The following SV2B variants were observed in gnomAD, a reference collection of about 807,000 sequenced individuals.
SV2B encodes solute carrier family 22 member B2.
SV2B carries 41 observed loss-of-function variants against 73.9 expected under a neutral mutation model. That is an observed-to-expected ratio of 0.56 (90% CI 0.43 to 0.72). SV2B has a LOEUF of 0.72. Among genes scored for constraint, SV2B ranks in the 30% least tolerant of loss-of-function variants. The pLI is 0.00. For missense variants in SV2B, 764 were observed against 857.8 expected (o/e 0.89, Z 1.37); for synonymous variants, 314 against 314.2 (o/e 1.00, Z 0.01).
intron 1 of SV2B, among the ~76,000 whole-genome samples, chr15:91,204,250 G>A (rs1244460170): frequency 6.6e-6 from 1 of 152,012 alleles, no homozygotes; most frequent in East Asian, 1.9e-4. Context: ...TGGAGAGCTT[G>A]GGGTCTTAAT....
Position 91,132,756 on chromosome 15 carries a change from G to A in SV2B, c.-392+32393G>A, listed in dbSNP as rs547963092. ...TGGAGAGGCTGAGGTGGGAGGATCC[G>A]TTGAGCCCAGGAGTTTGAGGCTGCA... On this transcript the variant is annotated intron_variant, in intron 1 of 12. Coordinates refer to ENST00000394232, the MANE Select transcript of SV2B (RefSeq NM_001323032.3). The surrounding 1 kb of genome is among the most constrained non-coding windows in gnomAD (Gnocchi z 4.6). Among the ~76,000 whole-genome samples the A allele has an allele frequency of 6.6e-5, 10 of 152,124 alleles. No homozygotes were observed. The East Asian group carries it at 9.7e-4, about 15-fold the overall frequency.
At chr15:91,275,259 CTA>C (rs1341594293) in intron 9 of SV2B, among the ~76,000 whole-genome samples, 1 of 152,052 alleles carries the variant, frequency 6.6e-6, no homozygotes, top group Non-Finnish European at 1.5e-5. Context: ...TTTACGTTCA[CTA>C]TTGGTATATT....
chr15:91,099,604 G>C (rs1253671120), upstream of SV2B, among the ~76,000 whole-genome samples: 2 of 152,164 alleles, frequency 1.3e-5, no homozygotes, highest in African/African-American at 2.4e-5. Flanking sequence ...GTTAGTGGGT[G>C]GTGGTTTGGA....
Position 91,299,229 on chromosome 15 carries a change from A to T in SV2B, c.*6677A>T, listed in dbSNP as rs2049357013. ...TTGGACTCTATCACAAAGGAATTGC[A>T]TAAAAATACTTACAAACATAACTAT... On this transcript the variant is annotated 3_prime_UTR_variant, in exon 13 of 13. Transcript: ENST00000394232. The T allele has an allele frequency of 1.3e-5, 2 of 152,236 alleles. No individual in the cohort carries two copies. Among genetic ancestry groups the T allele is most frequent in the Admixed American group, 6.5e-5 (1 of 15,284 alleles). The allele number at this position is 152,236 out of a possible 1,614,324, so 9.4% of individuals were successfully genotyped here. A position where few individuals can be genotyped will look rare whatever the true frequency, so the allele number is the denominator to read the frequency against.
chr15:91,147,796 T>C (rs1358080717), intron 1 of SV2B, among the ~76,000 whole-genome samples: 3 of 152,128 alleles, frequency 2.0e-5, no homozygotes, highest in African/African-American at 7.2e-5. Flanking sequence ...AATTAGATAT[T>C]GGGGCTGGTC....
chr15:91,182,081 C>A (rs1375082386), intron 1 of SV2B, among the ~76,000 whole-genome samples: 2 of 151,994 alleles, frequency 1.3e-5, no homozygotes, highest in Non-Finnish European at 2.9e-5. Context: ...TATCACTGGC[C>A]TTCTGATAAA....
chr15:91,265,660 C>T lies in SV2B; in HGVS notation c.1009-922C>T, dbSNP rs776670659. ...AGCCCAGCTGCAGCCAAGAGTTCAGCTGCAGAGCCTGCTTTGTTAGTTCTG... is the reference window on the plus strand; with the variant it reads ...AGCCCAGCTGCAGCCAAGAGTTCAGTTGCAGAGCCTGCTTTGTTAGTTCTG... On this transcript the variant is annotated intron_variant, in intron 6 of 12. Coordinates refer to ENST00000394232, the MANE Select transcript of SV2B (RefSeq NM_001323032.3). This position sits in a 1 kb window ranked among gnomAD's most constrained non-coding sequence, Gnocchi z 4.2. Among the ~76,000 whole-genome samples the T allele has an allele frequency of 6.6e-6, 1 of 152,242 alleles. No homozygotes were observed. The highest frequency in any genetic ancestry group is 6.5e-5 in the Admixed American group (1 of 15,290).
intron 1 of SV2B, among the ~76,000 whole-genome samples, chr15:91,103,146 G>T (rs766983908): frequency 6.6e-6 from 1 of 152,220 alleles, no homozygotes; most frequent in African/African-American, 2.4e-5. Context: ...TTAGAAGAAG[G>T]TTGGTTGGTA....
In SV2B at chr15:91,245,972, T is replaced by C. The variant is rs1441575196; in HGVS notation, c.452-5847T>C. Among the ~76,000 whole-genome samples, 1 of 149,650 alleles carries C rather than the reference T, an allele frequency of 6.7e-6. No homozygotes were observed. Among genetic ancestry groups the C allele is most frequent in the Non-Finnish European group, 1.5e-5 (1 of 67,750 alleles). ...AAAATATCTATGCTCTGTCCCTTTA[T>C]AGAAAAAGTTGGTGGAGCCTTAGTT... On this transcript the variant is annotated intron_variant, in intron 2 of 12. Coordinates refer to ENST00000394232, the MANE Select transcript of SV2B (RefSeq NM_001323032.3). The surrounding 1 kb of genome is among the most constrained non-coding windows in gnomAD (Gnocchi z 4.2).
intron 1 of SV2B, among the ~76,000 whole-genome samples, chr15:91,183,518 G>A (rs568406523): frequency 1.3e-5 from 2 of 152,246 alleles, no homozygotes; most frequent in Admixed American, 6.5e-5. Context: ...CTTTTTATGA[G>A]TCCAAACTTT....
intron 9 of SV2B, among the ~76,000 whole-genome samples, chr15:91,270,790 GGAT>G (rs2048267370): frequency 6.7e-6 from 1 of 149,310 alleles, no homozygotes; most frequent in African/African-American, 2.5e-5. Flanking sequence ...GATGATGGGG[GGAT>G]GGTGAATCCT....
rs766281282 is a variant in SV2B at position 91,129,357 on chromosome 15, G to A, written c.-392+28994G>A. Reference sequence around the variant, plus strand: ...AAAGTGAAAGGAAGGCTGTGGCAAAGGTATACGTAAAATGCAGGGTTGTGA... The same window carrying A: ...AAAGTGAAAGGAAGGCTGTGGCAAAAGTATACGTAAAATGCAGGGTTGTGA... On this transcript the variant is annotated intron_variant, in intron 1 of 12. Transcript: ENST00000394232. The surrounding 1 kb of genome is among the most constrained non-coding windows in gnomAD (Gnocchi z 5.1). 6.6e-6 allele frequency among the ~76,000 whole-genome samples: 1 copy of A among 152,184 alleles called. No individual in the cohort carries two copies. The highest frequency in any genetic ancestry group is 1.5e-5 in the Non-Finnish European group (1 of 68,026).
intron 1 of SV2B, among the ~76,000 whole-genome samples, chr15:91,166,123 A>G (rs182766733): frequency 6.6e-6 from 1 of 152,260 alleles, no homozygotes; most frequent in Non-Finnish European, 1.5e-5. Context: ...TAACTTCAGC[A>G]TTATTGACAT....
rs189716023 is a variant in SV2B at position 91,197,957 on chromosome 15, C to T, written c.-391-27916C>T. 6.6e-6 allele frequency among the ~76,000 whole-genome samples: 1 copy of T among 152,276 alleles called. No individual in the cohort carries two copies. Among genetic ancestry groups the T allele is most frequent in the East Asian group, 1.9e-4 (1 of 5,180 alleles). On this transcript the variant is annotated intron_variant, in intron 1 of 12. Transcript: ENST00000394232. This position sits in a 1 kb window ranked among gnomAD's most constrained non-coding sequence, Gnocchi z 4.9. ...GCTGAAGCAGGAGAATCTCTTGAAC[C>T]TGGGAGGCTGGAGGTTACAGTGAAC...
chr15:91,164,167 A>C (rs968004505), intron 1 of SV2B, among the ~76,000 whole-genome samples: 1 of 152,204 alleles, frequency 6.6e-6, no homozygotes, highest in Non-Finnish European at 1.5e-5. Flanking sequence ...GAAAATGGCC[A>C]TACTGCCCAA....
Position 91,258,686 on chromosome 15 carries a change from G to T in SV2B, c.918+132G>T. 1.5e-6 allele frequency: 2 copies of T among 1,321,884 alleles called. No homozygotes were observed. The highest frequency in any genetic ancestry group is 2.0e-6 in the Non-Finnish European group (2 of 979,428). The allele number at this position is 1,321,884 out of a possible 1,614,324, so 81.9% of individuals were successfully genotyped here. The stretch of plus-strand genomic sequence containing the variant: ...GTTGCAAACTCTCCCCTGGTCGGCT[G>T]ACCTCACTCATCATTGAATCTGGCA... On this transcript the variant is annotated intron_variant, in intron 5 of 12. Coordinates refer to ENST00000394232, the MANE Select transcript of SV2B (RefSeq NM_001323032.3). The surrounding 1 kb of genome is among the most constrained non-coding windows in gnomAD (Gnocchi z 4.7).
rs2048077417 is a variant in SV2B at position 91,265,750 on chromosome 15, G to C, written c.1009-832G>C. ...AAGGCTGCATAGCTGGGAGTGGCCA[G>C]ATGAGTCCAGGAGGCTCACAGTGTG... is the stretch of plus-strand genomic sequence containing the variant. On this transcript the variant is annotated intron_variant, in intron 6 of 12. Coordinates refer to ENST00000394232, the MANE Select transcript of SV2B (RefSeq NM_001323032.3). The surrounding 1 kb of genome is among the most constrained non-coding windows in gnomAD (Gnocchi z 4.2). Among the ~76,000 whole-genome samples the C allele has an allele frequency of 6.6e-6, 1 of 152,254 alleles. No homozygotes were observed.
rs1410618054 is a variant in SV2B at position 91,300,881 on chromosome 15, C to G, written c.*8329C>G. 6.6e-6 allele frequency: 1 copy of G among 152,194 alleles called. No individual in the cohort carries two copies. Among genetic ancestry groups the G allele is most frequent in the Admixed American group, 6.5e-5 (1 of 15,280 alleles). 9.4% of individuals were successfully genotyped at this position (152,194 alleles called of 1,614,324 possible). On this transcript the variant is annotated 3_prime_UTR_variant, in exon 13 of 13. Transcript: ENST00000394232. ...TCCAGGTGTGCGGTCCTGTGAAGCACTCTAAGAACTGTAAAAAATATTTCA... is the reference window on the plus strand; with the variant it reads ...TCCAGGTGTGCGGTCCTGTGAAGCAGTCTAAGAACTGTAAAAAATATTTCA...
chr15:91,190,634 A>G (rs1353508424), intron 1 of SV2B, among the ~76,000 whole-genome samples: 1 of 152,198 alleles, frequency 6.6e-6, no homozygotes, highest in Non-Finnish European at 1.5e-5. Flanking sequence ...GTTTTCAGAC[A>G]TATGTTGTAG....
Sources: gnomAD v4.1 joint callset for allele counts (sites outside exome capture counted in the v4.1 genomes callset) on GRCh38, gnomAD v4.1.1 for gene constraint, Gnocchi (gnomAD v3.1) non-coding constraint, MANE v1.5 for transcripts, NCBI Gene and HGNC (gene_info 2026-07-23, HGNC 2026-07-21) for gene names.